The following KANSL1 variants were observed in gnomAD, a reference collection of about 807,000 sequenced individuals.
KANSL1 encodes KAT8 regulatory NSL complex subunit 1.
In KANSL1, 22 loss-of-function variants were observed where a neutral mutation model predicts 103.6. The observed-to-expected ratio is 0.21, with a 90% CI of 0.15 to 0.30. The LOEUF is 0.30. KANSL1 is among the 10% of genes least tolerant of loss of function. The pLI is 1.00. For missense variants in KANSL1, 1,337 were observed against 1,399.8 expected (o/e 0.96, Z 0.72); for synonymous variants, 600 against 527.6 (o/e 1.14, Z -1.88).
chr17:46,069,425 A>G (rs796104347), intron 4 of KANSL1, among the ~76,000 whole-genome samples: 59 of 152,306 alleles, frequency 3.9e-4, no homozygotes, highest in African/African-American at 1.4e-3. Flanking sequence ...ACTGAACCTG[A>G]AAGTAGTCCT....
chr17:46,188,657 T>C (rs575334385), intron 1 of KANSL1, among the ~76,000 whole-genome samples: 6 of 152,290 alleles, frequency 3.9e-5, no homozygotes, highest in East Asian at 1.9e-4. Flanking sequence ...TCCCAAGACA[T>C]AGACTAATCA....
intron 1 of KANSL1, among the ~76,000 whole-genome samples, chr17:46,176,688 T>C (rs1276924416): frequency 7.5e-6 from 1 of 133,580 alleles, no homozygotes; most frequent in Non-Finnish European, 1.7e-5. Flanking sequence ...CAAGACTCCA[T>C]CTTAAAAAAA....
intron 1 of KANSL1, among the ~76,000 whole-genome samples, chr17:46,188,104 A>C (rs896547775): frequency 6.6e-6 from 1 of 152,286 alleles, no homozygotes; most frequent in Admixed American, 6.5e-5. Context: ...AATAATAGTT[A>C]CCCCCTGCCA....
intron 2 of KANSL1, among the ~76,000 whole-genome samples, chr17:46,101,229 AAAAAAC>A (rs924425454): frequency 1.3e-5 from 2 of 152,228 alleles, no homozygotes; most frequent in African/African-American, 2.4e-5. Context: ...AGTCACATGA[AAAAAAC>A]AAAAACAAAA....
At chr17:46,109,510 G>A (rs192828086) in intron 2 of KANSL1, among the ~76,000 whole-genome samples, 4 of 151,952 alleles carry the variant, frequency 2.6e-5, no homozygotes, top group African/African-American at 7.2e-5. Context: ...ATATAAATTT[G>A]CCTCCCTCAA....
rs2077769956 is a variant in KANSL1 at position 46,052,963 on chromosome 17, C to CAAAAAAAAA, written c.1849-2260_1849-2259insTTTTTTTTT. On this transcript the variant is annotated intron_variant, in intron 6 of 14. Transcript: ENST00000432791. ...TGGGAAAAAGAGTAAGATCCTGTCT[C>CAAAAAAAAA]CAAAAAAAAAAAAAAAAAAAAAAAA... Among the ~76,000 whole-genome samples, 6 of 43,162 alleles carry CAAAAAAAAA rather than the reference C, an allele frequency of 1.4e-4. 1 individual carries two copies. Among genetic ancestry groups the CAAAAAAAAA allele is most frequent in the African/African-American group, 5.1e-4 (5 of 9,826 alleles). The allele number at this position is 43,162 out of a possible 152,430, so 28.3% of individuals were successfully genotyped here. A position where few individuals can be genotyped will look rare whatever the true frequency, so the allele number is the denominator to read the frequency against.
intron 6 of KANSL1, among the ~76,000 whole-genome samples, chr17:46,058,630 G>C (rs2078014163): frequency 1.3e-5 from 2 of 151,308 alleles, no homozygotes; most frequent in African/African-American, 4.9e-5. Flanking sequence ...GATAAATGAA[G>C]TTTTCTCAAC....
upstream of KANSL1, among the ~76,000 whole-genome samples, chr17:46,195,376 G>T (rs2047571992): frequency 6.6e-6 from 1 of 152,202 alleles, no homozygotes; most frequent in South Asian, 2.1e-4. Context: ...TTTTCTAATG[G>T]ATTAGGAGAA....
chr17:46,050,444 A>C lies in KANSL1; in HGVS notation c.2020+89T>G. The C allele has an allele frequency of 2.3e-6, 3 of 1,313,256 alleles. No homozygotes were observed. In the East Asian group the frequency reaches 7.3e-5, roughly 32 times the overall value. The allele number at this position is 1,313,256 out of a possible 1,614,324, so 81.4% of individuals were successfully genotyped here. On this transcript the variant is annotated intron_variant, in intron 7 of 14. Coordinates refer to ENST00000432791, the MANE Select transcript of KANSL1 (RefSeq NM_015443.4). ...GAAAGTTGTACCTTGAAAGTATCTGAGTTGTAACTGCACCTTGGCTGATTT... is the reference window on the plus strand; with the variant it reads ...GAAAGTTGTACCTTGAAAGTATCTGCGTTGTAACTGCACCTTGGCTGATTT...
In KANSL1 at chr17:46,084,187, G is replaced by C. The variant is rs531199319; in HGVS notation, c.1432-1645C>G. On this transcript the variant is annotated intron_variant, in intron 3 of 14. Coordinates refer to ENST00000432791, the MANE Select transcript of KANSL1 (RefSeq NM_015443.4). ...TGAGGTCGTCAGGAGTTCAAGATCA[G>C]CCTGGCCAACATGGTGAAACCCCAT... 5.1e-4 allele frequency among the ~76,000 whole-genome samples: 74 copies of C among 146,126 alleles called. 1 individual carries two copies. The highest frequency in any genetic ancestry group is 1.8e-3 in the African/African-American group (72 of 40,978).
intron 1 of KANSL1, among the ~76,000 whole-genome samples, chr17:46,185,226 G>A (rs1207986490): frequency 1.3e-5 from 2 of 152,194 alleles, no homozygotes; most frequent in Non-Finnish European, 2.9e-5. Context: ...CACACGTTAA[G>A]CAACCTGAGC....
chr17:46,191,913 C>T (rs113749623), intron 1 of KANSL1, among the ~76,000 whole-genome samples: 2,310 of 151,726 alleles, frequency 0.015, 66 homozygotes, highest in African/African-American at 0.053. Context: ...GCACTAAACT[C>T]CAGCCCCTAC....
upstream of KANSL1, chr17:46,224,913 C>G (rs1395853373): frequency 1.3e-5 from 2 of 151,820 alleles, no homozygotes; most frequent in Non-Finnish European, 2.9e-5. Flanking sequence ...TTGCCCGGCT[C>G]GCTTCAGGAG....
chr17:46,124,077 C>A (rs957052187), intron 2 of KANSL1, among the ~76,000 whole-genome samples: 3 of 152,138 alleles, frequency 2.0e-5, no homozygotes, highest in Non-Finnish European at 4.4e-5. Context: ...GCTCCTTGAC[C>A]ATTCTGAAAA....
intron 2 of KANSL1, among the ~76,000 whole-genome samples, chr17:46,166,213 C>CCAAAAAAAAAAAAA (rs1555573289): frequency 2.4e-4 from 23 of 95,066 alleles, no homozygotes; most frequent in South Asian, 5.4e-4. Context: ...GACTCTGTCT[C>CCAAAAAAAAAAAAA]AAAAAAAAAA....
chr17:46,185,394 G>A (rs1389254509), intron 1 of KANSL1, among the ~76,000 whole-genome samples: 1 of 152,142 alleles, frequency 6.6e-6, no homozygotes, highest in Non-Finnish European at 1.5e-5. Flanking sequence ...CCTGTACCCA[G>A]ACTAGGAAAC....
intron 2 of KANSL1, among the ~76,000 whole-genome samples, chr17:46,140,025 G>C (rs2044341247): frequency 6.6e-6 from 1 of 152,066 alleles, no homozygotes; most frequent in South Asian, 2.1e-4. Flanking sequence ...AAATTTCAAA[G>C]TATTAAAAAA....
intron 1 of KANSL1, among the ~76,000 whole-genome samples, chr17:46,218,616 C>A (rs1238565715): frequency 1.3e-5 from 2 of 152,024 alleles, no homozygotes; most frequent in Non-Finnish European, 2.9e-5. Context: ...AACCCCGTCT[C>A]TACTAAAAAT....
chr17:46,173,599 T>C (rs1403906950), intron 1 of KANSL1, among the ~76,000 whole-genome samples: 4 of 152,232 alleles, frequency 2.6e-5, no homozygotes, highest in African/African-American at 9.7e-5. Context: ...TTCATAGCAA[T>C]ACTAGAATAT....
Sources: allele counts gnomAD v4.1 joint callset (sites outside exome capture counted in the v4.1 genomes callset), GRCh38; gene constraint gnomAD v4.1.1; transcripts MANE v1.5; gene names NCBI Gene and HGNC (gene_info 2026-07-23, HGNC 2026-07-21).